The following KIF26A variants were observed in gnomAD, a reference collection of about 807,000 sequenced individuals.
KIF26A encodes kinesin-like protein KIF26A.
A neutral mutation model predicts 126.0 loss-of-function variants in KIF26A; 74 were observed. That is an observed-to-expected ratio of 0.59 (90% confidence interval 0.49 to 0.71). KIF26A has a LOEUF of 0.71. KIF26A is among the 30% of genes least tolerant of loss of function. The pLI is 0.00. For missense variants in KIF26A, 2,984 were observed against 2,763.3 expected (o/e 1.08, Z -1.79); for synonymous variants, 1,445 against 1,232.7 (o/e 1.17, Z -3.61).
At position 104,175,414 on chromosome 14, in the gene KIF26A, C is replaced by T. The variant is rs751960091; in HGVS notation, c.2626C>T (p.Arg876Trp). The T allele has an allele frequency of 7.5e-6, 12 of 1,593,014 alleles. No individual in the cohort carries two copies. The highest frequency in any genetic ancestry group is 4.0e-5 in the African/African-American group (3 of 74,784). ...GAQASPARGG[R>W]KPSPPEAASP... ...TCAGGCCAGCCCCGCCCGAGGGGGC[C>T]GGAAGCCCTCGCCACCAGAGGCTGC... The change falls in exon 12 of 15, where the codon CGG becomes TGG. Residue 876 changes from arginine (R) to tryptophan (W), a missense_variant. Coordinates refer to ENST00000423312, the MANE Select transcript of KIF26A (RefSeq NM_015656.2).
Position 104,173,481 on chromosome 14 carries a change from A to G in KIF26A, c.1835A>G (p.Gln612Arg). ...SHMLFTLHVY[Q>R]YRMEKCGRGG... ...ATGTTGTTCACGCTGCACGTCTACC[A>G]GTACCGCATGGAGAAGTGCGGCCGG... Residue 612 changes from glutamine (Q) to arginine (R), a missense_variant, in exon 9 of 15, where the codon CAG becomes CGG. Transcript: ENST00000423312. 1.3e-6 allele frequency: 2 copies of G among 1,579,010 alleles called. No homozygotes were observed. Among genetic ancestry groups the G allele is most frequent in the Non-Finnish European group, 1.7e-6 (2 of 1,158,786 alleles).
intron 12 of KIF26A, 49 bp downstream of exon 12, chr14:104,177,947 G>T: frequency 6.9e-7 from 1 of 1,442,274 alleles, no homozygotes; most frequent in South Asian, 1.5e-5. Context: ...CTTTCTGTGT[G>T]TAGATGTGCA....
chr14:104,156,251 C>T (rs2037776226), intron 3 of KIF26A, among the ~76,000 whole-genome samples: 1 of 152,220 alleles, frequency 6.6e-6, no homozygotes, highest in East Asian at 1.9e-4. Context: ...GGAGCACATA[C>T]ATTAAGTGAT....
At chr14:104,160,865 C>T (rs752648668) in intron 4 of KIF26A, among the ~76,000 whole-genome samples, 11 of 152,214 alleles carry the variant, frequency 7.2e-5, no homozygotes, top group Non-Finnish European at 1.6e-4. Flanking sequence ...AGGGAGGTTG[C>T]TTCCATTGGG....
rs531517940 is a variant in KIF26A, at chr14:104,177,234, C to T, written c.4446C>T (p.Ser1482=). Residue 1482 remains serine (S), a synonymous_variant, in exon 12 of 15, where the codon AGC becomes AGT. Transcript: ENST00000423312. The stretch of plus-strand genomic sequence containing the variant: ...ACGGTCCAGCTCCCGCCTGTAGGAG[C>T]GGCGCAGCCAAGGCTGTGGGGGCCC... ...PTHGPAPACR[S]GAAKAVGAPK... is the part of the protein sequence containing the mutation. 1.4e-4 allele frequency: 225 copies of T among 1,596,538 alleles called. 4 individuals carry two copies. In the South Asian group the frequency reaches 1.8e-3, roughly 13 times the overall value.
At chr14:104,143,051 ACTC>A (rs1163085765) in intron 2 of KIF26A, among the ~76,000 whole-genome samples, 2 of 152,020 alleles carry the variant, frequency 1.3e-5, no homozygotes, top group Non-Finnish European at 2.9e-5. Flanking sequence ...TGAGGTGTTG[ACTC>A]CTCCTGAGAC....
chr14:104,176,293 C>T lies in KIF26A; in HGVS notation c.3505C>T (p.Pro1169Ser), dbSNP rs762384381. ...CCTGGGGCCAGACAGACCTGACAGT[C>T]CTGGGCCAACCTGGGGTCCGTGCCC... Reference protein sequence around the residue: ...GFLGPDRPDSPGPTWGPCPGE... With the variant: ...GFLGPDRPDSSGPTWGPCPGE... The change falls in exon 12 of 15, where the codon CCT becomes TCT. Residue 1169 changes from proline (P) to serine (S), a missense_variant. Physicochemically the swap from Pro to Ser is moderately conservative, Grantham distance 74. Coordinates refer to ENST00000423312, the MANE Select transcript of KIF26A (RefSeq NM_015656.2). The T allele has an allele frequency of 5.1e-6, 8 of 1,583,822 alleles. No individual in the cohort carries two copies. Among genetic ancestry groups the T allele is most frequent in the Non-Finnish European group, 6.9e-6 (8 of 1,162,342 alleles).
rs1300188703 is a variant in KIF26A, at chr14:104,152,421, G to C, written c.695G>C (p.Ser232Thr). The change falls in exon 3 of 15, where the codon AGT becomes ACT. Residue 232 changes from serine to threonine, a missense_variant. By Grantham distance (58) the Ser-to-Thr change is moderately conservative. Transcript: ENST00000423312. This position sits in a 1 kb window ranked among gnomAD's most constrained non-coding sequence, Gnocchi z 5.9. ...CAGCAGTGCCTGGAGGGCATGTGGA[G>C]TGTCTCGCGGGTCAACAGCTTCCTC... Reference protein sequence around the residue: ...QAQQCLEGMWSVSRVNSFLPP... With the variant: ...QAQQCLEGMWTVSRVNSFLPP... 6.3e-7 allele frequency: 1 copy of C among 1,595,848 alleles called. No homozygotes were observed. The highest frequency in any genetic ancestry group is 2.3e-5 in the East Asian group (1 of 43,924).
intron 4 of KIF26A, among the ~76,000 whole-genome samples, chr14:104,165,469 GGGCCTCTGTGTATGTTTCCATGTGCA>G (rs2037881563): frequency 6.7e-6 from 1 of 149,816 alleles, no homozygotes; most frequent in African/African-American, 2.5e-5. Flanking sequence ...GTGTGTGTGT[GGGCCTCTGTGTATGTTTCCATGTGCA>G]TGTGTGTCTG....
Position 104,152,589 on chromosome 14 carries a change from G to A in KIF26A, c.735+128G>A, listed in dbSNP as rs2037740981. ...CCTGAAGGGAGGGGACGGCGGGCAT[G>A]GGGGTTCCTGACACTCCTGAGGCCC... On this transcript the variant is annotated intron_variant, in intron 3 of 14. Coordinates refer to ENST00000423312, the MANE Select transcript of KIF26A (RefSeq NM_015656.2). This position sits in a 1 kb window ranked among gnomAD's most constrained non-coding sequence, Gnocchi z 5.9. The A allele has an allele frequency of 1.2e-6, 1 of 859,912 alleles. No homozygotes were observed. 53.3% of individuals were successfully genotyped at this position (859,912 alleles called of 1,614,324 possible).
rs376810500 is a variant in KIF26A at position 104,166,950 on chromosome 14, G to A, written c.1015G>A (p.Asp339Asn). ...CCGCGGCACCTCCACCTACCCCACC[G>A]ACTTCAGCGGGGTCCTGCAGCTGTG... ...ATRGTSTYPT[D>N]FSGVLQLWPP... The change falls in exon 5 of 15, where the codon GAC becomes AAC. Residue 339 changes from aspartate (D) to asparagine (N), a missense_variant. Physicochemically the swap from Asp to Asn is conservative, Grantham distance 23. Coordinates refer to ENST00000423312, the MANE Select transcript of KIF26A (RefSeq NM_015656.2). 305 of 1,591,486 alleles carry A rather than the reference G, an allele frequency of 1.9e-4. 1 individual carries two copies. Among genetic ancestry groups the A allele is most frequent in the East Asian group, 1.2e-3 (53 of 43,694 alleles).
chr14:104,150,224 T>TCCC (rs2037716302), intron 2 of KIF26A, among the ~76,000 whole-genome samples: 1 of 84,910 alleles, frequency 1.2e-5, no homozygotes, highest in Non-Finnish European at 2.7e-5. Context: ...CTCCTCCTCC[T>TCCC]CCCCCTCCTC....
At chr14:104,174,033 T>A in intron 10 of KIF26A, 115 bp from the exon 11 acceptor site, 1 of 1,408,424 alleles carries the variant, frequency 7.1e-7, no homozygotes, top group East Asian at 2.5e-5. Context: ...GGCCCCACGC[T>A]GGGCTGGTGC....
At chr14:104,158,689 G>C (rs140254240) in intron 4 of KIF26A, among the ~76,000 whole-genome samples, 1 of 152,184 alleles carries the variant, frequency 6.6e-6, no homozygotes, top group Admixed American at 6.5e-5. Flanking sequence ...GGTCCTTGCC[G>C]ACTGGTGGTG....
chr14:104,159,332 C>T (rs1264715088), intron 4 of KIF26A, among the ~76,000 whole-genome samples: 3 of 152,236 alleles, frequency 2.0e-5, no homozygotes, highest in Admixed American at 2.0e-4. Flanking sequence ...GCCCTGTGGC[C>T]GTGCTCCTTT....
rs3742946 is a variant in KIF26A, at chr14:104,176,107, G to A, written c.3319G>A (p.Gly1107Ser). ...EGAAWAGSSHGSSISSWLSEV... is the reference protein window; with the variant it reads ...EGAAWAGSSHSSSISSWLSEV... ...GGCAGCCTGGGCCGGCAGCAGTCAC[G>A]GCTCCTCCATCAGCTCCTGGCTCAG... Residue 1107 changes from glycine (G) to serine (S), a missense_variant, in exon 12 of 15, where the codon GGC (glycine) becomes AGC (serine). Coordinates refer to ENST00000423312, the MANE Select transcript of KIF26A (RefSeq NM_015656.2). 6,269 of 1,584,126 alleles carry A rather than the reference G, an allele frequency of 4.0e-3. 219 individuals carry two copies. In the Admixed American group the frequency reaches 0.065, roughly 17 times the overall value.
chr14:104,159,489 C>T (rs567257947), intron 4 of KIF26A, among the ~76,000 whole-genome samples: 16 of 152,326 alleles, frequency 1.1e-4, no homozygotes, highest in South Asian at 4.1e-4. Context: ...GGTAGGGTGT[C>T]GGCCCCCAGG....
At position 104,178,442 on chromosome 14, in the gene KIF26A, C is replaced by G; in HGVS notation, c.5111-108C>G. The G allele has an allele frequency of 4.7e-6, 4 of 846,506 alleles. No homozygotes were observed. In the South Asian group the frequency reaches 7.0e-5, roughly 15 times the overall value. 52.4% of individuals were successfully genotyped at this position (846,506 alleles called of 1,614,324 possible). A position where few individuals can be genotyped will look rare whatever the true frequency, so the allele number is the denominator to read the frequency against. ...GCCTGAGGATTCCTGGACTGGATCC[C>G]GAAGGCCTCCCTGTCAGGACTCGGG... On this transcript the variant is annotated intron_variant, in intron 12 of 14. Coordinates refer to ENST00000423312, the MANE Select transcript of KIF26A (RefSeq NM_015656.2).
In KIF26A at chr14:104,173,499, G is replaced by A. The variant is rs1202028569; in HGVS notation, c.1853G>A (p.Cys618Tyr). Residue 618 changes from cysteine to tyrosine, a missense_variant, in exon 9 of 15, where the codon TGC (cysteine) becomes TAC (tyrosine). Transcript: ENST00000423312. ...GTCTACCAGTACCGCATGGAGAAGTGCGGCCGGGGAGGAAGTAGGTGCCAC... is the reference window on the plus strand; with the variant it reads ...GTCTACCAGTACCGCATGGAGAAGTACGGCCGGGGAGGAAGTAGGTGCCAC... ...LHVYQYRMEK[C>Y]GRGGMSGGRS... 7 of 1,565,082 alleles carry A rather than the reference G, an allele frequency of 4.5e-6. No individual in the cohort carries two copies. Among genetic ancestry groups the A allele is most frequent in the Non-Finnish European group, 6.1e-6 (7 of 1,151,378 alleles).
Sources: gnomAD v4.1 joint callset for allele counts (sites outside exome capture counted in the v4.1 genomes callset) on GRCh38, gnomAD v4.1.1 for gene constraint, Gnocchi (gnomAD v3.1) non-coding constraint, MANE v1.5 for transcripts, NCBI Gene and HGNC (gene_info 2026-07-23, HGNC 2026-07-21) for gene names.